Variants in CD99L2 observed in about 807,000 individuals in gnomAD.
CD99L2 encodes the protein CD99 antigen-like protein 2.
In CD99L2, 24 loss-of-function variants were observed where a neutral mutation model predicts 27.3. That is an observed-to-expected ratio of 0.88 (90% CI 0.64 to 1.24). The LOEUF (loss-of-function observed/expected upper bound fraction) is 1.24. Ranked by LOEUF, CD99L2 falls within the 50% of genes most tolerant of loss-of-function variation. The probability of loss-of-function intolerance (pLI) is 0.00; values close to 1 mark genes in which losing one functional copy is unlikely to be tolerated. For missense variants in CD99L2, 255 were observed against 221.6 expected, an observed-to-expected ratio of 1.15 and a Z score of -0.96; for synonymous variants, 97 against 87.9, an observed-to-expected ratio of 1.10 and a Z score of -0.58.
intron 1 of CD99L2, among the ~76,000 whole-genome samples, chrX:150,875,559 TAC>T (rs782240614): frequency 7.2e-5 from 8 of 111,815 alleles, no homozygotes; most frequent in South Asian, 3.8e-4. Context: ...TGAAAACCAC[TAC>T]TCTGTTCTCC....
chrX:150,830,819 C>G (rs1012725118), intron 2 of CD99L2, among the ~76,000 whole-genome samples: 1 of 110,016 alleles, frequency 9.1e-6, no homozygotes, highest in Admixed American at 9.8e-5. Context: ...CTTTTCTTTT[C>G]TTTTTTGAGA....
intron 2 of CD99L2, chrX:150,829,501 G>A (rs1432866640): frequency 1.5e-5 from 5 of 328,290 alleles, no homozygotes; most frequent in African/African-American, 1.1e-4. Context: ...GAGAGAATGT[G>A]GCCCAACCAA....
chrX:150,791,358 G>C (rs1348049823), intron 7 of CD99L2, among the ~76,000 whole-genome samples: 1 of 111,832 alleles, frequency 8.9e-6, no homozygotes, highest in Non-Finnish European at 1.9e-5. Flanking sequence ...CCCAGTGAAA[G>C]AGAATGACAT....
intron 2 of CD99L2, among the ~76,000 whole-genome samples, chrX:150,820,037 A>T (rs1557420629): frequency 8.9e-6 from 1 of 111,788 alleles, no homozygotes; most frequent in African/African-American, 3.3e-5. Flanking sequence ...GTTAATACCG[A>T]AGTCAGACAA....
chrX:150,886,930 G>A (rs1347977884), intron 1 of CD99L2, among the ~76,000 whole-genome samples: 2 of 111,500 alleles, frequency 1.8e-5, no homozygotes, highest in Admixed American at 9.5e-5. Context: ...ACTTTGAGAG[G>A]CTGAGGCGGG....
intron 6 of CD99L2, among the ~76,000 whole-genome samples, chrX:150,794,345 A>C (rs1422183475): frequency 8.9e-6 from 1 of 111,937 alleles, no homozygotes; most frequent in Admixed American, 9.5e-5. Context: ...GCCCTCACCA[A>C]CACCTTGACT....
At chrX:150,828,599 A>C (rs1557420983) in intron 2 of CD99L2, 1 of 111,974 alleles carries the variant, frequency 8.9e-6, no homozygotes, top group Non-Finnish European at 1.9e-5. Flanking sequence ...TGGGGGAAGA[A>C]TGTGAACAAT....
chrX:150,805,384 G>A (rs2124155261), intron 4 of CD99L2, among the ~76,000 whole-genome samples: 1 of 111,308 alleles, frequency 9.0e-6, no homozygotes, highest in South Asian at 3.8e-4. Flanking sequence ...GGAGGAATAA[G>A]TTCTGGAGAT....
intron 1 of CD99L2, among the ~76,000 whole-genome samples, chrX:150,839,758 G>T (rs1211009943): frequency 9.1e-6 from 1 of 109,666 alleles, no homozygotes; most frequent in Non-Finnish European, 1.9e-5. Context: ...TGGGGGACCA[G>T]GTATGGTATC....
intron 9 of CD99L2, among the ~76,000 whole-genome samples, chrX:150,772,142 C>T (rs1212006599): frequency 8.9e-6 from 1 of 112,340 alleles, no homozygotes; most frequent in Non-Finnish European, 1.9e-5. Context: ...TCAGTGTTTT[C>T]AGCCACCCCA....
intron 4 of CD99L2, among the ~76,000 whole-genome samples, chrX:150,810,085 T>A (rs1289428828): frequency 8.9e-6 from 1 of 112,046 alleles, no homozygotes; most frequent in Non-Finnish European, 1.9e-5. Context: ...GATGTACAAC[T>A]GACCAATACA....
At chrX:150,808,809 G>A (rs1404912826) in intron 4 of CD99L2, among the ~76,000 whole-genome samples, 1 of 111,382 alleles carries the variant, frequency 9.0e-6, no homozygotes, top group Admixed American at 9.6e-5. Context: ...ACAGGCAGCA[G>A]AAATTTTTGT....
In CD99L2 at chrX:150,769,005, T is replaced by A. The variant is rs201626644; in HGVS notation, c.*29A>T. ...AGCCGGGTGACAAGCGGTGGCACCA[T>A]TGTGCATGCCTGCAGCTGGACAGGG... On this transcript the variant is annotated 3_prime_UTR_variant, in exon 11 of 11. Coordinates refer to ENST00000370377, the MANE Select transcript of CD99L2 (RefSeq NM_031462.4). The A allele has an allele frequency of 3.5e-6, 4 of 1,134,397 alleles. No individual in the cohort carries two copies. The highest frequency in any genetic ancestry group is 4.6e-6 in the Non-Finnish European group (4 of 867,386). The allele number at this position is 1,134,397 out of a possible 1,213,427, so 93.5% of individuals were successfully genotyped here. A position where few individuals can be genotyped will look rare whatever the true frequency, so the allele number is the denominator to read the frequency against.
intron 1 of CD99L2, among the ~76,000 whole-genome samples, chrX:150,897,387 G>A (rs782509154): frequency 8.9e-6 from 1 of 112,666 alleles, no homozygotes; most frequent in Non-Finnish European, 1.9e-5. Flanking sequence ...ATGGCTCTTC[G>A]TGAATCAACT....
intron 1 of CD99L2, among the ~76,000 whole-genome samples, chrX:150,864,086 G>C (rs1257854821): frequency 3.6e-5 from 4 of 112,178 alleles, no homozygotes; most frequent in Admixed American, 9.5e-5. Flanking sequence ...GCAGCCCTAG[G>C]AAAGCTGTAC....
In CD99L2 at chrX:150,835,188, C is replaced by T. The variant is rs146025253; in HGVS notation, c.68-3895G>A. On this transcript the variant is annotated intron_variant, in intron 1 of 10. Coordinates refer to ENST00000370377, the MANE Select transcript of CD99L2 (RefSeq NM_031462.4). ...GCAACCTATTGCACTGCATGGTGAC[C>T]ACAATTAATAATAATGTATTGTATA... is the stretch of plus-strand genomic sequence containing the variant. Among the ~76,000 whole-genome samples the T allele has an allele frequency of 8.9e-4, 99 of 111,476 alleles. No homozygotes were observed. In the East Asian group the frequency reaches 0.025, roughly 28 times the overall value.
intron 9 of CD99L2, among the ~76,000 whole-genome samples, chrX:150,770,869 C>T (rs17319104): frequency 1.8e-5 from 2 of 112,512 alleles, no homozygotes; most frequent in Non-Finnish European, 3.8e-5. Context: ...AACACCCGCG[C>T]GGAGGCCAAC....
At chrX:150,843,707 T>C (rs1484946207) in intron 1 of CD99L2, among the ~76,000 whole-genome samples, 2 of 110,895 alleles carry the variant, frequency 1.8e-5, no homozygotes, top group Admixed American at 1.9e-4. Flanking sequence ...TTTCTGTAGA[T>C]GAATAAGAAA....
chrX:150,818,870 G>T, intron 2 of CD99L2: 1 of 378,747 alleles, frequency 2.6e-6, no homozygotes, highest in Non-Finnish European at 5.3e-6. Flanking sequence ...TATGCTCTGA[G>T]CACTGGAGAG....
Sources: gnomAD v4.1 joint callset for allele counts (sites outside exome capture counted in the v4.1 genomes callset) on GRCh38, gnomAD v4.1.1 for gene constraint, MANE v1.5 for transcripts, NCBI Gene and HGNC (gene_info 2026-07-23, HGNC 2026-07-21) for gene names.